Variants in GRM7 observed in about 807,000 individuals in gnomAD.
GRM7 encodes the protein metabotropic glutamate receptor 7.
A neutral mutation model predicts 84.5 loss-of-function variants in GRM7; 35 were observed. The observed-to-expected ratio is 0.41, with a 90% CI of 0.32 to 0.55. The LOEUF (loss-of-function observed/expected upper bound fraction) is 0.55, where lower values mean the gene tolerates loss of function less well. Among genes scored for constraint, GRM7 ranks in the 20% least tolerant of loss-of-function variants. GRM7 has a pLI of 0.19. For missense variants in GRM7, 1,003 were observed against 1,194.6 expected (o/e 0.84, Z 2.36); for synonymous variants, 487 against 455.1 (o/e 1.07, Z -0.89).
rs143187814 is a variant in GRM7, at chr3:6,917,856, A to G, written c.519+55949A>G. On this transcript the variant is annotated intron_variant, in intron 1 of 9. Coordinates refer to ENST00000357716, the MANE Select transcript of GRM7 (RefSeq NM_000844.4). ...TAACTCCTTAAGGGGCTCCCTCCAT[A>G]GTAAATCAAAATAGTACAGAAAGAA... Among the ~76,000 whole-genome samples, 54 of 152,288 alleles carry G rather than the reference A, an allele frequency of 3.5e-4. No individual in the cohort carries two copies. In the East Asian group the frequency reaches 8.7e-3, roughly 25 times the overall value.
At chr3:7,284,320 A>C (rs1264845630) in intron 2 of GRM7, among the ~76,000 whole-genome samples, 1 of 141,414 alleles carries the variant, frequency 7.1e-6, no homozygotes, top group East Asian at 2.1e-4. Context: ...GTGTATATAC[A>C]TGAGCTCTCT....
At chr3:7,190,989 C>A (rs1476695884) in intron 2 of GRM7, among the ~76,000 whole-genome samples, 1 of 152,126 alleles carries the variant, frequency 6.6e-6, no homozygotes, top group African/African-American at 2.4e-5. Context: ...TGGTTTATTT[C>A]TTCACCAAAC....
intron 1 of GRM7, among the ~76,000 whole-genome samples, chr3:6,969,443 G>C (rs1281509413): frequency 6.6e-6 from 1 of 152,178 alleles, no homozygotes; most frequent in Non-Finnish European, 1.5e-5. Context: ...TAGTGTATCA[G>C]TGAATAGTTA....
chr3:7,013,323 C>A (rs1695450375), intron 1 of GRM7, among the ~76,000 whole-genome samples: 1 of 152,050 alleles, frequency 6.6e-6, no homozygotes, highest in Non-Finnish European at 1.5e-5. Context: ...TTCTCCCCAT[C>A]CCTCATTACC....
chr3:7,552,838 G>A (rs917481167), intron 7 of GRM7, among the ~76,000 whole-genome samples: 8 of 152,284 alleles, frequency 5.3e-5, no homozygotes, highest in African/African-American at 7.2e-5. Context: ...CCTCTGACAC[G>A]CCCTGGAAAC....
intron 1 of GRM7, among the ~76,000 whole-genome samples, chr3:6,962,506 G>A (rs1262578497): frequency 1.3e-5 from 2 of 152,020 alleles, no homozygotes; most frequent in African/African-American, 4.8e-5. Flanking sequence ...TAAAACCTGA[G>A]GAACATGAAT....
At chr3:7,312,845 T>G (rs1700449001) in intron 4 of GRM7, among the ~76,000 whole-genome samples, 1 of 151,956 alleles carries the variant, frequency 6.6e-6, no homozygotes, top group African/African-American at 2.4e-5. Context: ...AAAAGGGCCA[T>G]AAACTGTGAT....
intron 8 of GRM7, among the ~76,000 whole-genome samples, chr3:7,637,363 G>A (rs796984457): frequency 2.0e-5 from 3 of 152,266 alleles, no homozygotes; most frequent in African/African-American, 4.8e-5. Context: ...TTGATCATAT[G>A]TTTCCTTACA....
intron 1 of GRM7, among the ~76,000 whole-genome samples, chr3:7,112,154 A>C (rs1440621953): frequency 6.6e-6 from 1 of 152,082 alleles, no homozygotes; most frequent in Non-Finnish European, 1.5e-5. Context: ...AGCAGAAGGG[A>C]CCTGGTTAGC....
intron 2 of GRM7, among the ~76,000 whole-genome samples, chr3:7,277,663 A>G (rs2124989809): frequency 6.6e-6 from 1 of 152,156 alleles, no homozygotes; most frequent in African/African-American, 2.4e-5. Context: ...ATTCTCATGG[A>G]GCTACCTTAA....
chr3:7,261,568 T>C (rs1443774018), intron 2 of GRM7, among the ~76,000 whole-genome samples: 3 of 152,218 alleles, frequency 2.0e-5, no homozygotes, highest in African/African-American at 4.8e-5. Context: ...GCGTGTCTTT[T>C]AATTGGGGCA....
At chr3:6,866,441 A>G (rs1162651794) in intron 1 of GRM7, among the ~76,000 whole-genome samples, 6 of 151,662 alleles carry the variant, frequency 4.0e-5, no homozygotes, top group Non-Finnish European at 7.4e-5. Context: ...TTGCATTTCC[A>G]GCTCCCACTT....
In GRM7 at chr3:7,461,690, A is replaced by G. The variant is rs7634846; in HGVS notation, c.1483A>G (p.Ile495Val). ...TNTSNPGYRLIGQWTDELQLN... is the reference protein window; with the variant it reads ...TNTSNPGYRLVGQWTDELQLN... ...CACCAGCAACCCGGGTTACCGTCTG[A>G]TCGGGCAGTGGACAGACGAACTTCA... Residue 495 changes from isoleucine to valine, a missense_variant, in exon 7 of 10, where the codon ATC (isoleucine) becomes GTC (valine). Physicochemically the swap from Ile to Val is conservative, Grantham distance 29 (BLOSUM62 3). Coordinates refer to ENST00000357716, the MANE Select transcript of GRM7 (RefSeq NM_000844.4). The G allele has an allele frequency of 6.2e-7, 1 of 1,613,918 alleles. No individual in the cohort carries two copies. Among genetic ancestry groups the G allele is most frequent in the Non-Finnish European group, 8.5e-7 (1 of 1,179,848 alleles).
chr3:7,576,863 C>G (rs1211758680), intron 7 of GRM7, among the ~76,000 whole-genome samples: 1 of 152,128 alleles, frequency 6.6e-6, no homozygotes, highest in Non-Finnish European at 1.5e-5. Context: ...CAATAAACTT[C>G]AAAGTATTTT....
intron 4 of GRM7, among the ~76,000 whole-genome samples, chr3:7,383,798 G>A (rs1378146992): frequency 6.6e-6 from 1 of 151,984 alleles, no homozygotes; most frequent in East Asian, 1.9e-4. Flanking sequence ...TACCACCCTG[G>A]GGTATATGAA....
chr3:7,497,761 A>AT (rs1699756058), intron 7 of GRM7, among the ~76,000 whole-genome samples: 1 of 152,000 alleles, frequency 6.6e-6, no homozygotes, highest in African/African-American at 2.4e-5. Context: ...TTAAGTCCTA[A>AT]CTTCACCATT....
chr3:7,069,286 G>A (rs1010728762), intron 1 of GRM7, among the ~76,000 whole-genome samples: 1 of 152,000 alleles, frequency 6.6e-6, no homozygotes, highest in Non-Finnish European at 1.5e-5. Context: ...GAACCAGTGA[G>A]TAGTGCAGTT....
chr3:7,403,243 A>G, intron 4 of GRM7: 2 of 380,794 alleles, frequency 5.3e-6, no homozygotes, highest in Non-Finnish European at 5.4e-6. Context: ...ATTCTGTAAG[A>G]TTATGATTCT....
intron 9 of GRM7, among the ~76,000 whole-genome samples, chr3:7,697,945 C>T (rs924767412): frequency 6.6e-6 from 1 of 152,068 alleles, no homozygotes; most frequent in Non-Finnish European, 1.5e-5. Flanking sequence ...TCGAACAAAT[C>T]GTCTTGTGAG....
Sources: allele counts gnomAD v4.1 joint callset (sites outside exome capture counted in the v4.1 genomes callset), GRCh38; gene constraint gnomAD v4.1.1; transcripts MANE v1.5; gene names NCBI Gene and HGNC (gene_info 2026-07-23, HGNC 2026-07-21).